The following UBR4 variants were observed in gnomAD, a reference collection of about 807,000 sequenced individuals.
UBR4 encodes E3 ubiquitin-protein ligase UBR4.
In UBR4, 124 loss-of-function variants were observed where a neutral mutation model predicts 575.6. The observed-to-expected ratio is 0.22, with a 90% CI of 0.19 to 0.25. The LOEUF is 0.25. UBR4 is among the 10% of genes least tolerant of loss of function. The probability of loss-of-function intolerance (pLI) is 1.00; values close to 1 mark genes in which losing one functional copy is unlikely to be tolerated. For missense variants in UBR4, 4,818 were observed against 6,478.8 expected (o/e 0.74, Z 8.80); for synonymous variants, 2,455 against 2,473.7 (o/e 0.99, Z 0.22).
Position 19,155,484 on chromosome 1 carries a change from A to G in UBR4, c.6257T>C (p.Phe2086Ser). Reference protein sequence around the residue: ...EEASSAQQGPFYVTNVLEINH... With the variant: ...EEASSAQQGPSYVTNVLEINH... ...GATTTCCAACACATTAGTGACATAG[A>G]AGGGTCCCTGCTGGGCACTGCTGGC... The change falls in exon 43 of 106, where the codon TTC (phenylalanine) becomes TCC (serine). Residue 2086 changes from phenylalanine to serine, a missense_variant. By Grantham distance (155) the Phe-to-Ser change is radical. Transcript: ENST00000375254. 1 of 1,614,136 alleles carries G rather than the reference A, an allele frequency of 6.2e-7. No individual in the cohort carries two copies. Among genetic ancestry groups the G allele is most frequent in the Non-Finnish European group, 8.5e-7 (1 of 1,179,988 alleles).
chr1:19,114,666 G>C, intron 75 of UBR4, 145 bp downstream of exon 75: 1 of 1,006,700 alleles, frequency 9.9e-7, no homozygotes, highest in Admixed American at 2.5e-5. Context: ...GCCATTCTTT[G>C]CTCCCACCCA....
chr1:19,152,175 G>T lies in UBR4; in HGVS notation c.6996+138C>A. 1 of 1,292,942 alleles carries T rather than the reference G, an allele frequency of 7.7e-7. No homozygotes were observed. The highest frequency in any genetic ancestry group is 1.1e-6 in the Non-Finnish European group (1 of 936,724). 80.1% of individuals were successfully genotyped at this position (1,292,942 alleles called of 1,614,324 possible). A position where few individuals can be genotyped will look rare whatever the true frequency, so the allele number is the denominator to read the frequency against. On this transcript the variant is annotated intron_variant, in intron 47 of 105. Transcript: ENST00000375254. The surrounding 1 kb of genome is among the most constrained non-coding windows in gnomAD (Gnocchi z 4.4). ...GAGTAAGAATATCCATTTTTCTAAGGAACCATTTAACTAGAACCGAGGGTT... is the reference window on the plus strand; with the variant it reads ...GAGTAAGAATATCCATTTTTCTAAGTAACCATTTAACTAGAACCGAGGGTT...
chr1:19,165,217 C>G, intron 31 of UBR4, 32 bp downstream of exon 31: 1 of 1,589,668 alleles, frequency 6.3e-7, no homozygotes, highest in Non-Finnish European at 8.6e-7. Context: ...ATCAAAGTTC[C>G]CATAAGAAGA....
chr1:19,163,882 C>A (rs1251908709), intron 33 of UBR4, 55 bp from the exon 34 acceptor site: 1 of 1,581,700 alleles, frequency 6.3e-7, no homozygotes, highest in Non-Finnish European at 8.7e-7. Flanking sequence ...ATCGAAGAAA[C>A]CAACGAAATG....
Position 19,175,026 on chromosome 1 carries a change from G to A in UBR4, c.2781C>T (p.Val927=). The part of the protein sequence containing the change: ...NWSKHFSSDA[V]PHPRFYCVLS... ...GGACACAGTAGAATCTGGGGTGTGG[G>A]ACAGCATCTGAAAAGTAATATGCTG... The change falls in exon 21 of 106, where the codon GTC becomes GTT. Residue 927 remains valine (V), a synonymous_variant. Transcript: ENST00000375254. 1.9e-6 allele frequency: 3 copies of A among 1,613,524 alleles called. No individual in the cohort carries two copies. Among genetic ancestry groups the A allele is most frequent in the East Asian group, 2.2e-5 (1 of 44,870 alleles).
chr1:19,144,545 A>G (rs147969920), intron 54 of UBR4, among the ~76,000 whole-genome samples: 1 of 152,292 alleles, frequency 6.6e-6, no homozygotes, highest in East Asian at 1.9e-4. Flanking sequence ...AGCACTTACT[A>G]TGTAGCAAGC....
chr1:19,174,587 C>T lies in UBR4; in HGVS notation c.2854-140G>A, dbSNP rs566280342. ...ATTAATTTCTCCTTGGAACAGATTC[C>T]CATTCTGGGACATTACTCACACTGT... On this transcript the variant is annotated intron_variant, in intron 21 of 105. Transcript: ENST00000375254. 3.4e-5 allele frequency: 43 copies of T among 1,278,032 alleles called. 1 individual carries two copies. The South Asian group carries it at 5.5e-4, about 16-fold the overall frequency. 79.2% of individuals were successfully genotyped at this position (1,278,032 alleles called of 1,614,324 possible).
intron 100 of UBR4, 114 bp from the exon 101 acceptor site, chr1:19,086,384 C>A (rs551113614): frequency 2.2e-6 from 3 of 1,364,912 alleles, no homozygotes; most frequent in Non-Finnish European, 2.9e-6. Context: ...AGAAGTCAGT[C>A]GGCCCAGGCT....
At chr1:19,184,838 G>A (rs1473174585) in intron 15 of UBR4, among the ~76,000 whole-genome samples, 1 of 152,086 alleles carries the variant, frequency 6.6e-6, no homozygotes, top group Non-Finnish European at 1.5e-5. Flanking sequence ...TATGATAGGA[G>A]ACAAAACTAA....
At chr1:19,169,619 G>C (rs1007475668) in intron 26 of UBR4, 87 bp from the exon 27 acceptor site, 39 of 1,058,926 alleles carry the variant, frequency 3.7e-5, no homozygotes, top group Non-Finnish European at 4.8e-5. Flanking sequence ...AATGCAGAAA[G>C]AAACAGTACA....
chr1:19,141,429 G>T lies in UBR4; in HGVS notation c.8406C>A (p.Pro2802=), dbSNP rs145307465. 61 of 1,614,066 alleles carry T rather than the reference G, an allele frequency of 3.8e-5. No individual in the cohort carries two copies. The highest frequency in any genetic ancestry group is 1.6e-4 in the Middle Eastern group (1 of 6,084). Residue 2802 remains proline, a synonymous_variant, in exon 57 of 106, where the codon CCC becomes CCA. Transcript: ENST00000375254. The part of the protein sequence containing the change: ...ALLAGAEGFP[P]MLDIPPDADD... ...CTGCATCAGGTGGGATGTCCAGCAT[G>T]GGGGGGAAGCCCTCTGCGCCTGCCA...
intron 71 of UBR4, chr1:19,118,597 A>T (rs2080848120): frequency 2.8e-6 from 1 of 357,376 alleles, no homozygotes; most frequent in Non-Finnish European, 5.0e-6. Context: ...ACTTTTTTAA[A>T]TTTTTTTTTA....
chr1:19,084,399 G>T, intron 102 of UBR4, 105 bp downstream of exon 102: 1 of 1,244,638 alleles, frequency 8.0e-7, no homozygotes, highest in Non-Finnish European at 1.1e-6. Context: ...CCAGACGCTT[G>T]CTCCGGAACT....
At chr1:19,106,816 G>T in intron 82 of UBR4, 21 bp downstream of exon 82, 2 of 1,610,188 alleles carry the variant, frequency 1.2e-6, no homozygotes, top group South Asian at 1.1e-5. Flanking sequence ...ACTTCCCGGC[G>T]TCTTGAAGAG....
rs1466698002 is a variant in UBR4, at chr1:19,177,505, G to C, written c.2593C>G (p.Leu865Val). The part of the protein sequence containing the change: ...LARLLLIFDY[L>V]LHQYSKAPVY... ...GGGGCTTTGGAGTACTGATGAAGCAGATAATCAAAGATGAGAAGGAGGCGA... is the reference window on the plus strand; with the variant it reads ...GGGGCTTTGGAGTACTGATGAAGCACATAATCAAAGATGAGAAGGAGGCGA... Residue 865 changes from leucine (L) to valine (V), a missense_variant, in exon 19 of 106, where the codon CTG (leucine) becomes GTG (valine). Physicochemically the swap from Leu to Val is conservative, Grantham distance 32 (BLOSUM62 1). Coordinates refer to ENST00000375254, the MANE Select transcript of UBR4 (RefSeq NM_020765.3). The C allele has an allele frequency of 1.2e-6, 2 of 1,613,890 alleles. No homozygotes were observed. The highest frequency in any genetic ancestry group is 2.7e-5 in the African/African-American group (2 of 74,904).
rs1354131322 is a variant in UBR4, at chr1:19,100,927, T to C, written c.13024-354A>G. 6.6e-6 allele frequency among the ~76,000 whole-genome samples: 1 copy of C among 151,972 alleles called. No individual in the cohort carries two copies. Among genetic ancestry groups the C allele is most frequent in the Admixed American group, 6.6e-5 (1 of 15,252 alleles). ...CTGGTCTCATGTGATGCTAACCAAT[T>C]TGGGGCCAGAGGACTTTGTCACTGA... On this transcript the variant is annotated intron_variant, in intron 88 of 105. Transcript: ENST00000375254. The surrounding 1 kb of genome is among the most constrained non-coding windows in gnomAD (Gnocchi z 4.2).
rs1232925653 is a variant in UBR4, at chr1:19,128,194, T to G, written c.9111+17A>C. ...AGCCAATCCTGTTTCTCACACAGTCTGCCTCTCAGATTTTACCTTTTTATC... is the reference window on the plus strand; with the variant it reads ...AGCCAATCCTGTTTCTCACACAGTCGGCCTCTCAGATTTTACCTTTTTATC... On this transcript the variant is annotated intron_variant, in intron 62 of 105. Transcript: ENST00000375254. 1.2e-6 allele frequency: 2 copies of G among 1,606,594 alleles called. No homozygotes were observed. Among genetic ancestry groups the G allele is most frequent in the Admixed American group, 3.3e-5 (2 of 60,006 alleles).
In UBR4 at chr1:19,110,479, G is replaced by C; in HGVS notation, c.11893-15C>G. 6.2e-7 allele frequency: 1 copy of C among 1,613,400 alleles called. No homozygotes were observed. Among genetic ancestry groups the C allele is most frequent in the Non-Finnish European group, 8.5e-7 (1 of 1,179,546 alleles). On this transcript the variant is annotated splice_polypyrimidine_tract_variant and intron_variant, in intron 79 of 105. Transcript: ENST00000375254. The surrounding 1 kb of genome is among the most constrained non-coding windows in gnomAD (Gnocchi z 4.5). ...AGGCTACTTGCCTAGAAGGCAATGG[G>C]AAGAGACATGAGTCAAGAGGGTCAG...
Position 19,107,657 on chromosome 1 carries a change from T to C in UBR4, c.12106-691A>G, listed in dbSNP as rs944437615. On this transcript the variant is annotated intron_variant, in intron 81 of 105. Coordinates refer to ENST00000375254, the MANE Select transcript of UBR4 (RefSeq NM_020765.3). ...AAAATTAGCTGGGCACGGTAGTATA[T>C]GCCTGTAGTCCCAGCTACTAAGGGG... Among the ~76,000 whole-genome samples, 5 of 152,124 alleles carry C rather than the reference T, an allele frequency of 3.3e-5. No individual in the cohort carries two copies. In the South Asian group the frequency reaches 1.0e-3, roughly 32 times the overall value.
Sources: gnomAD v4.1 joint callset for allele counts (sites outside exome capture counted in the v4.1 genomes callset) on GRCh38, gnomAD v4.1.1 for gene constraint, Gnocchi (gnomAD v3.1) non-coding constraint, MANE v1.5 for transcripts, NCBI Gene and HGNC (gene_info 2026-07-23, HGNC 2026-07-21) for gene names.